ENTREP2: variants seen among roughly 807,000 people sequenced by gnomAD.
The protein encoded by ENTREP2 is endosomal transmembrane epsin interactor 2, also known as protein ENTREP2.
the ENTREP2 span, among the ~76,000 whole-genome samples, chr15:29,387,347 C>T: frequency 2.0e-5 from 3 of 152,146 alleles, no homozygotes; most frequent in African/African-American, 7.2e-5. Context: ...AGAGCCAAAT[C>T]ATGAGTGAAC....
chr15:29,570,790 C>G, the ENTREP2 span: 1 of 674,408 alleles, frequency 1.5e-6, no homozygotes, highest in Non-Finnish European at 1.8e-6. Flanking sequence ...CCTCTCCTCA[C>G]AGAGGGTCCG....
the ENTREP2 span, among the ~76,000 whole-genome samples, chr15:29,298,587 A>G: frequency 2.0e-5 from 3 of 152,178 alleles, no homozygotes; most frequent in Admixed American, 1.3e-4. Flanking sequence ...CAACAAATTT[A>G]TAGGAATACA....
At chr15:29,135,912 C>T in the ENTREP2 span, among the ~76,000 whole-genome samples, 2 of 151,974 alleles carry the variant, frequency 1.3e-5, no homozygotes, top group African/African-American at 2.4e-5. This position sits in a 1 kb window ranked among gnomAD's most constrained non-coding sequence, Gnocchi z 7.4. Flanking sequence ...CCTGGGTACT[C>T]GGTCCATGGA....
At chr15:29,401,035 G>A in the ENTREP2 span, among the ~76,000 whole-genome samples, 20 of 152,304 alleles carry the variant, frequency 1.3e-4, no homozygotes, top group African/African-American at 3.1e-4. Flanking sequence ...CCTGGGCCCC[G>A]GAATGGACAG....
chr15:29,182,983 C>T, the ENTREP2 span, among the ~76,000 whole-genome samples: 1 of 152,140 alleles, frequency 6.6e-6, no homozygotes, highest in Non-Finnish European at 1.5e-5. Context: ...AGGGGGATTA[C>T]TGAGCTCAGT....
the ENTREP2 span, among the ~76,000 whole-genome samples, chr15:29,343,649 C>A: frequency 1.3e-5 from 2 of 152,012 alleles, no homozygotes; most frequent in East Asian, 1.9e-4. Flanking sequence ...TCTGGAGAAC[C>A]CTGATTAACA....
the ENTREP2 span, among the ~76,000 whole-genome samples, chr15:29,658,126 C>A: frequency 6.6e-6 from 1 of 152,144 alleles, no homozygotes; most frequent in African/African-American, 2.4e-5. Context: ...CCCCACATGT[C>A]TTGGGGGGGA....
the ENTREP2 span, among the ~76,000 whole-genome samples, chr15:29,530,135 G>A: frequency 6.6e-6 from 1 of 152,086 alleles, no homozygotes; most frequent in African/African-American, 2.4e-5. Context: ...GCGCCTAGGT[G>A]GGGAGGGGAC....
chr15:29,617,080 A>G, the ENTREP2 span, among the ~76,000 whole-genome samples: 1 of 152,134 alleles, frequency 6.6e-6, no homozygotes, highest in African/African-American at 2.4e-5. Flanking sequence ...AAAAATAAAT[A>G]AATAAATAAG....
At chr15:29,451,370 T>C in the ENTREP2 span, among the ~76,000 whole-genome samples, 2 of 152,144 alleles carry the variant, frequency 1.3e-5, no homozygotes, top group East Asian at 1.9e-4. Context: ...CACAGGAGTC[T>C]GCAGGACCAG....
the ENTREP2 span, among the ~76,000 whole-genome samples, chr15:29,548,453 TAAAAAAA>T: frequency 7.5e-6 from 1 of 134,186 alleles, no homozygotes; most frequent in Admixed American, 7.6e-5. Context: ...AGATTCTGCC[TAAAAAAA>T]AAAAAAAAGT....
the ENTREP2 span, among the ~76,000 whole-genome samples, chr15:29,591,074 C>T: frequency 1.3e-5 from 2 of 151,900 alleles, no homozygotes; most frequent in Non-Finnish European, 2.9e-5. Flanking sequence ...TTTCTCATTT[C>T]TTTCTATCTA....
the ENTREP2 span, among the ~76,000 whole-genome samples, chr15:29,588,391 C>T: frequency 6.6e-6 from 1 of 151,654 alleles, no homozygotes; most frequent in Non-Finnish European, 1.5e-5. Flanking sequence ...TCGCTTGAAC[C>T]TGGGAGGCCG....
chr15:29,488,402 A>T, the ENTREP2 span, among the ~76,000 whole-genome samples: 2 of 152,192 alleles, frequency 1.3e-5, no homozygotes, highest in Non-Finnish European at 2.9e-5. Flanking sequence ...AAAATGATAA[A>T]AGATTAACAG....
the ENTREP2 span, among the ~76,000 whole-genome samples, chr15:29,316,465 T>C: frequency 7.9e-5 from 12 of 152,332 alleles, no homozygotes; most frequent in East Asian, 2.3e-3. Flanking sequence ...TATCTATTAG[T>C]TGTGATCACG....
At chr15:29,387,306 G>A in the ENTREP2 span, among the ~76,000 whole-genome samples, 2 of 152,060 alleles carry the variant, frequency 1.3e-5, no homozygotes, top group Non-Finnish European at 2.9e-5. Context: ...TACATTTATT[G>A]ATTTGCATAT....
chr15:29,634,624 A>G, the ENTREP2 span, among the ~76,000 whole-genome samples: 2 of 152,310 alleles, frequency 1.3e-5, no homozygotes, highest in South Asian at 4.1e-4. Context: ...TGGAGAGAGT[A>G]TCAGATCCCA....
the ENTREP2 span, among the ~76,000 whole-genome samples, chr15:29,372,648 A>T: frequency 1.3e-5 from 2 of 152,210 alleles, no homozygotes; most frequent in African/African-American, 4.8e-5. Context: ...GCCACTGTGT[A>T]ACTTTACAAA....
At chr15:29,425,651 G>A in the ENTREP2 span, among the ~76,000 whole-genome samples, 4 of 151,738 alleles carry the variant, frequency 2.6e-5, no homozygotes, top group Non-Finnish European at 5.9e-5. Flanking sequence ...CTTAATTTTT[G>A]TTTCTCTAAT....
Sources: gnomAD v4.1 joint callset for allele counts (sites outside exome capture counted in the v4.1 genomes callset) on GRCh38, gnomAD v4.1.1 for gene constraint, Gnocchi (gnomAD v3.1) non-coding constraint, MANE v1.5 for transcripts, NCBI Gene and HGNC (gene_info 2026-07-23, HGNC 2026-07-21) for gene names.